NRG3: variants seen among roughly 807,000 people sequenced by gnomAD.
The protein encoded by NRG3 is pro-neuregulin-3, membrane-bound isoform.
A neutral mutation model predicts 66.9 loss-of-function variants in NRG3; 31 were observed. The ratio of observed to expected loss-of-function variants is 0.46; its 90% confidence interval spans 0.35 to 0.63. The LOEUF (loss-of-function observed/expected upper bound fraction) is 0.63, where lower values mean the gene tolerates loss of function less well. Ranked by LOEUF, NRG3 falls within the 20% of genes least tolerant of loss-of-function variation. NRG3 has a pLI of 0.00. For synonymous variants in NRG3, 393 were observed against 359.4 expected (o/e 1.09, Z -1.06); for missense variants, 910 against 878.9 (o/e 1.04, Z -0.45).
rs921012141 is a variant in NRG3, at chr10:82,693,668, G to C, written c.954-44909G>C. 3.3e-5 allele frequency among the ~76,000 whole-genome samples: 5 copies of C among 152,190 alleles called. No individual in the cohort carries two copies. The South Asian group carries it at 6.2e-4, about 19-fold the overall frequency. On this transcript the variant is annotated intron_variant, in intron 2 of 8. Transcript: ENST00000372141. ...GGGTTCTTGGTCTCGCTGACTTCAAGAATGAAGCCACGGACCTTGCAGTGA... is the reference window on the plus strand; with the variant it reads ...GGGTTCTTGGTCTCGCTGACTTCAACAATGAAGCCACGGACCTTGCAGTGA...
intron 1 of NRG3, among the ~76,000 whole-genome samples, chr10:82,255,616 CA>C (rs1190633958): frequency 6.6e-6 from 1 of 151,630 alleles, no homozygotes; most frequent in Non-Finnish European, 1.5e-5. Context: ...AACAAACAAA[CA>C]AAAAACACAG....
chr10:82,298,861 T>C (rs573486503), intron 1 of NRG3, among the ~76,000 whole-genome samples: 1 of 152,254 alleles, frequency 6.6e-6, no homozygotes, highest in South Asian at 2.1e-4. Context: ...GAGAGGAATG[T>C]AGATTCCATC....
At chr10:82,151,128 A>T (rs1293934785) in intron 1 of NRG3, among the ~76,000 whole-genome samples, 1 of 152,174 alleles carries the variant, frequency 6.6e-6, no homozygotes, top group Non-Finnish European at 1.5e-5. Flanking sequence ...GGGCGAAGCC[A>T]GAGAGGGATA....
Position 81,875,901 on chromosome 10 carries a change from T to C in NRG3, c.561T>C (p.Thr187=). 6.2e-7 allele frequency: 1 copy of C among 1,612,598 alleles called. No homozygotes were observed. ...ASPRSTTARN[T]AAPATVPSTT... is the part of the protein sequence containing the mutation. Reference sequence around the variant, plus strand: ...CGCGCTCCACCACAGCACGGAACACTGCGGCCCCTGCGACGGTCCCGTCCA... The same window carrying C: ...CGCGCTCCACCACAGCACGGAACACCGCGGCCCCTGCGACGGTCCCGTCCA... The change falls in exon 1 of 9, where the codon ACT becomes ACC. Residue 187 remains threonine (T), a synonymous_variant. Coordinates refer to ENST00000372141, the MANE Select transcript of NRG3 (RefSeq NM_001010848.4). The surrounding 1 kb of genome is among the most constrained non-coding windows in gnomAD (Gnocchi z 5.3).
intron 1 of NRG3, among the ~76,000 whole-genome samples, chr10:82,122,754 A>G (rs1240097306): frequency 3.3e-5 from 5 of 152,166 alleles, no homozygotes; most frequent in Non-Finnish European, 7.4e-5. Context: ...GGAACTTGCC[A>G]TGTGTTATGT....
chr10:82,554,946 A>T (rs1271843876), intron 2 of NRG3, among the ~76,000 whole-genome samples: 1 of 152,078 alleles, frequency 6.6e-6, no homozygotes, highest in Non-Finnish European at 1.5e-5. Context: ...CTGCTGTTAT[A>T]CTTTGTGTTT....
At chr10:82,249,290 G>A (rs899060904) in intron 1 of NRG3, among the ~76,000 whole-genome samples, 3 of 152,132 alleles carry the variant, frequency 2.0e-5, no homozygotes, top group Admixed American at 1.3e-4. Flanking sequence ...AAGGGCTATT[G>A]AATTCATGTG....
At chr10:82,579,501 A>T (rs1325551637) in intron 2 of NRG3, among the ~76,000 whole-genome samples, 3 of 151,970 alleles carry the variant, frequency 2.0e-5, no homozygotes, top group Non-Finnish European at 1.5e-5. Context: ...TCAGGCTTTC[A>T]CAATTCCATT....
intron 4 of NRG3, among the ~76,000 whole-genome samples, chr10:82,893,859 AT>A (rs1843404538): frequency 6.6e-6 from 1 of 152,210 alleles, no homozygotes; most frequent in South Asian, 2.1e-4. Flanking sequence ...AAAATGAATC[AT>A]AGTAAACCAA....
At chr10:82,780,844 C>A (rs1392050480) in intron 3 of NRG3, among the ~76,000 whole-genome samples, 2 of 152,134 alleles carry the variant, frequency 1.3e-5, no homozygotes, top group East Asian at 3.9e-4. Context: ...TTCCTGGCCC[C>A]TTGTTTTCTG....
chr10:81,893,703 G>T (rs1843244506), intron 1 of NRG3, among the ~76,000 whole-genome samples: 1 of 152,150 alleles, frequency 6.6e-6, no homozygotes. Flanking sequence ...TTAGAAATGA[G>T]AAATCATTAG....
intron 3 of NRG3, among the ~76,000 whole-genome samples, chr10:82,856,334 C>T (rs1405376892): frequency 6.6e-6 from 1 of 152,072 alleles, no homozygotes; most frequent in Non-Finnish European, 1.5e-5. Context: ...TTTTTCCCAT[C>T]CTAGGAATCT....
At position 82,251,086 on chromosome 10, in the gene NRG3, G is replaced by A. The variant is rs142277264; in HGVS notation, c.824-107653G>A. On this transcript the variant is annotated intron_variant, in intron 1 of 8. Coordinates refer to ENST00000372141, the MANE Select transcript of NRG3 (RefSeq NM_001010848.4). ...TTGAAATACCTGAAAATCTGACGAC[G>A]TTGGACGTACATTGCTACAAAAACC... is the stretch of plus-strand genomic sequence containing the variant. Among the ~76,000 whole-genome samples the A allele has an allele frequency of 9.5e-4, 145 of 152,294 alleles. 1 individual carries two copies. The highest frequency in any genetic ancestry group is 3.5e-3 in the South Asian group (17 of 4,828).
At chr10:82,860,577 T>C (rs927656635) in intron 3 of NRG3, among the ~76,000 whole-genome samples, 3 of 152,150 alleles carry the variant, frequency 2.0e-5, no homozygotes, top group African/African-American at 7.2e-5. Context: ...ACAACAATCT[T>C]ATAAATTGCT....
rs531242511 is a variant in NRG3 at position 82,301,941 on chromosome 10, A to G, written c.824-56798A>G. On this transcript the variant is annotated intron_variant, in intron 1 of 8. Coordinates refer to ENST00000372141, the MANE Select transcript of NRG3 (RefSeq NM_001010848.4). The stretch of plus-strand genomic sequence containing the variant: ...TGGCTTGGTTCTGTTTAACAATCTT[A>G]GTTAATAGACTACCTTTTGATATGA... Among the ~76,000 whole-genome samples, 3 of 151,956 alleles carry G rather than the reference A, an allele frequency of 2.0e-5. No individual in the cohort carries two copies. In the East Asian group the frequency reaches 5.8e-4, roughly 29 times the overall value.
At chr10:82,509,345 C>T (rs572896199) in intron 2 of NRG3, among the ~76,000 whole-genome samples, 1 of 152,104 alleles carries the variant, frequency 6.6e-6, no homozygotes, top group Non-Finnish European at 1.5e-5. Flanking sequence ...AAAGTGTTGA[C>T]TTAGAGCATA....
chr10:82,078,135 A>T (rs2065192976), intron 1 of NRG3, among the ~76,000 whole-genome samples: 1 of 152,034 alleles, frequency 6.6e-6, no homozygotes, highest in Non-Finnish European at 1.5e-5. Context: ...AATTTTTTTT[A>T]ATTATTCTAT....
intron 3 of NRG3, among the ~76,000 whole-genome samples, chr10:82,786,973 C>T (rs1023277626): frequency 6.6e-6 from 1 of 152,100 alleles, no homozygotes; most frequent in Non-Finnish European, 1.5e-5. Context: ...GCCCCTTGAC[C>T]TTCGACTTTA....
At chr10:82,689,216 C>A (rs183875095) in intron 2 of NRG3, among the ~76,000 whole-genome samples, 1 of 151,992 alleles carries the variant, frequency 6.6e-6, no homozygotes, top group Non-Finnish European at 1.5e-5. Flanking sequence ...GATTGAAGGA[C>A]GTAAAAATGT....
Sources: allele counts gnomAD v4.1 joint callset (sites outside exome capture counted in the v4.1 genomes callset), GRCh38; gene constraint gnomAD v4.1.1; non-coding constraint Gnocchi (gnomAD v3.1); transcripts MANE v1.5; gene names NCBI Gene and HGNC (gene_info 2026-07-23, HGNC 2026-07-21).